The following PIGL variants were observed in gnomAD, a reference collection of about 807,000 sequenced individuals.
The protein encoded by PIGL is N-acetylglucosaminyl-phosphatidylinositol de-N-acetylase.
Under a neutral mutation model 31.1 loss-of-function variants are expected in PIGL, and 22 were observed. The observed-to-expected ratio is 0.71, with a 90% CI of 0.51 to 1.01. PIGL has a LOEUF of 1.01. Ranked by LOEUF, PIGL falls within the 50% of genes least tolerant of loss-of-function variation. The pLI is 0.00. For missense variants in PIGL, 302 were observed against 315.9 expected (o/e 0.96, Z 0.33); for synonymous variants, 131 against 117.4 (o/e 1.12, Z -0.75).
chr17:16,273,624 G>GAGA (rs3033989), intron 2 of PIGL, among the ~76,000 whole-genome samples: 80,087 of 151,468 alleles, frequency 0.53, 21,494 homozygotes, highest in Middle Eastern at 0.58. Flanking sequence ...GGGAAATTGA[G>GAGA]AGGAGATAGT....
intron 3 of PIGL, among the ~76,000 whole-genome samples, chr17:16,302,598 T>A (rs2093009500): frequency 6.6e-6 from 1 of 152,100 alleles, no homozygotes; most frequent in East Asian, 1.9e-4. Flanking sequence ...TTATCTTTTT[T>A]TCTTTTTCTT....
intron 3 of PIGL, among the ~76,000 whole-genome samples, chr17:16,303,863 C>T (rs960821356): frequency 9.2e-5 from 14 of 152,066 alleles, no homozygotes; most frequent in Non-Finnish European, 1.8e-4. Context: ...TACAGGCGCC[C>T]GCCACCATGC....
intron 3 of PIGL, among the ~76,000 whole-genome samples, chr17:16,303,234 A>G (rs2093012268): frequency 1.3e-5 from 2 of 152,192 alleles, no homozygotes; most frequent in Admixed American, 1.3e-4. Context: ...GTACTGCAAC[A>G]TATGTTGCTG....
intron 3 of PIGL, among the ~76,000 whole-genome samples, chr17:16,304,568 G>C (rs2093018897): frequency 6.6e-6 from 1 of 151,760 alleles, no homozygotes; most frequent in African/African-American, 2.4e-5. Flanking sequence ...GACCAGCCTG[G>C]GCAATATATC....
intron 2 of PIGL, among the ~76,000 whole-genome samples, chr17:16,275,669 A>C (rs1316984076): frequency 6.6e-6 from 1 of 152,168 alleles, no homozygotes; most frequent in Non-Finnish European, 1.5e-5. Context: ...AATAGGGGCA[A>C]TGATATTACT....
rs559911144 is a variant in PIGL, at chr17:16,237,257, A to G, written c.335+3187A>G. On this transcript the variant is annotated intron_variant, in intron 2 of 6. Transcript: ENST00000225609. The stretch of plus-strand genomic sequence containing the variant: ...TGAGTAGCTGGGATTACAGGCACAC[A>G]CCACTACACCTGGCTAATTTTTGTA... 5.3e-5 allele frequency among the ~76,000 whole-genome samples: 8 copies of G among 151,504 alleles called. No individual in the cohort carries two copies. In the South Asian group the frequency reaches 1.5e-3, roughly 28 times the overall value.
intron 1 of PIGL, among the ~76,000 whole-genome samples, chr17:16,231,607 A>G (rs966914675): frequency 6.6e-6 from 1 of 152,128 alleles, no homozygotes; most frequent in African/African-American, 2.4e-5. Flanking sequence ...TTTTTTAAGT[A>G]AAATAAAATG....
chr17:16,278,132 C>T (rs559707115), intron 2 of PIGL, among the ~76,000 whole-genome samples: 9 of 152,060 alleles, frequency 5.9e-5, no homozygotes, highest in South Asian at 2.1e-4. Flanking sequence ...CCCAGCTCAC[C>T]GCAACCTCTG....
At chr17:16,222,823 C>T (rs1025063688) in intron 1 of PIGL, among the ~76,000 whole-genome samples, 1 of 151,726 alleles carries the variant, frequency 6.6e-6, no homozygotes, top group Non-Finnish European at 1.5e-5. Flanking sequence ...ACCAGCCTGG[C>T]CAGCTTGGTG....
In PIGL at chr17:16,251,879, G is replaced by T. The variant is rs111649396; in HGVS notation, c.335+17809G>T. 6.8e-3 allele frequency among the ~76,000 whole-genome samples: 1,030 copies of T among 152,084 alleles called. 4 individuals carry two copies. The highest frequency in any genetic ancestry group is 0.01 in the Non-Finnish European group (689 of 68,002). ...ATGTATTGAAGGTCAGGCCTAGAGA[G>T]GAGATTAGAGACCCTTTCCAGAATA... is the stretch of plus-strand genomic sequence containing the variant. On this transcript the variant is annotated intron_variant, in intron 2 of 6. Transcript: ENST00000225609.
intron 3 of PIGL, among the ~76,000 whole-genome samples, chr17:16,306,604 A>T (rs1441432764): frequency 6.7e-6 from 1 of 150,156 alleles, no homozygotes; most frequent in East Asian, 2.0e-4. Flanking sequence ...TCTCAGCTCA[A>T]CTGCAACCTC....
intron 2 of PIGL, among the ~76,000 whole-genome samples, chr17:16,256,296 A>G (rs2092793251): frequency 6.6e-6 from 1 of 152,300 alleles, no homozygotes; most frequent in South Asian, 2.1e-4. Flanking sequence ...TTAATAACCC[A>G]AGAAGATGTT....
chr17:16,231,139 C>G (rs1237820990), intron 1 of PIGL, among the ~76,000 whole-genome samples: 1 of 140,728 alleles, frequency 7.1e-6, no homozygotes. Flanking sequence ...GAATTCCTGG[C>G]CTTAAACAGT....
In PIGL at chr17:16,274,154, G is replaced by A. The variant is rs558629783; in HGVS notation, c.336-25734G>A. On this transcript the variant is annotated intron_variant, in intron 2 of 6. Coordinates refer to ENST00000225609, the MANE Select transcript of PIGL (RefSeq NM_004278.4). ...AGGGAACCTTAGTACTGGTCAGTTG[G>A]GAACCAAGGTTATTACCAAGAAGAT... 7.9e-5 allele frequency among the ~76,000 whole-genome samples: 12 copies of A among 152,302 alleles called. No homozygotes were observed. In the East Asian group the frequency reaches 2.1e-3, roughly 27 times the overall value.
At chr17:16,236,954 T>C (rs1332626290) in intron 2 of PIGL, among the ~76,000 whole-genome samples, 1 of 152,082 alleles carries the variant, frequency 6.6e-6, no homozygotes, top group Admixed American at 6.6e-5. Flanking sequence ...TTTTGTATTT[T>C]TTAGAGACAG....
intron 3 of PIGL, among the ~76,000 whole-genome samples, chr17:16,307,963 C>CAAA (rs200906989): frequency 3.2e-5 from 2 of 62,552 alleles, no homozygotes; most frequent in African/African-American, 5.4e-5. Context: ...GACCTTGTCT[C>CAAA]AAAAAAAAAA....
chr17:16,298,817 C>T (rs187516519), intron 2 of PIGL, among the ~76,000 whole-genome samples: 4 of 150,408 alleles, frequency 2.7e-5, no homozygotes, highest in African/African-American at 7.5e-5. Context: ...CACCTGAGGT[C>T]AGGAGTTCAA....
chr17:16,235,844 T>C (rs1331697518), intron 2 of PIGL, among the ~76,000 whole-genome samples: 1 of 151,712 alleles, frequency 6.6e-6, no homozygotes, highest in South Asian at 2.1e-4. Flanking sequence ...CTATGTACTT[T>C]GCATCATATC....
In PIGL at chr17:16,280,232, C is replaced by A. The variant is rs1267393176; in HGVS notation, c.336-19656C>A. Among the ~76,000 whole-genome samples, 3 of 152,298 alleles carry A rather than the reference C, an allele frequency of 2.0e-5. No individual in the cohort carries two copies. In the East Asian group the frequency reaches 5.8e-4, roughly 29 times the overall value. ...GGGGCAGAGGTCCCACCAAATGGTG[C>A]CTGCATGGGTCCATACTGACTGTAC... is the stretch of plus-strand genomic sequence containing the variant. On this transcript the variant is annotated intron_variant, in intron 2 of 6. Transcript: ENST00000225609.
Sources: gnomAD v4.1 joint callset for allele counts (sites outside exome capture counted in the v4.1 genomes callset) on GRCh38, gnomAD v4.1.1 for gene constraint, MANE v1.5 for transcripts, NCBI Gene and HGNC (gene_info 2026-07-23, HGNC 2026-07-21) for gene names.